MED15: variants seen among roughly 807,000 people sequenced by gnomAD.
The protein encoded by MED15 is mediator complex subunit 15.
A neutral mutation model predicts 118.7 loss-of-function variants in MED15; 41 were observed. The ratio of observed to expected loss-of-function variants is 0.35; its 90% CI spans 0.27 to 0.45. MED15 has a LOEUF of 0.45. Among genes scored for constraint, MED15 ranks in the 20% least tolerant of loss-of-function variants. MED15 has a pLI of 1.00. For synonymous variants in MED15, 436 were observed against 413.9 expected, an observed-to-expected ratio of 1.05 and a Z score of -0.65; for missense variants, 740 against 1,025.5, an observed-to-expected ratio of 0.72 and a Z score of 3.80.
rs372661088 is a variant in MED15 at position 20,582,796 on chromosome 22, C to T, written c.1410-44C>T. 2.0e-4 allele frequency: 322 copies of T among 1,601,136 alleles called. 3 individuals carry two copies. The Middle Eastern group carries it at 3.8e-3, about 19-fold the overall frequency. Reference sequence around the variant, plus strand: ...TCCCCACCTGGCCCTCGAGGCTGGCCCTGCCTGGACCCCGGCTCACATGTT... The same window carrying T: ...TCCCCACCTGGCCCTCGAGGCTGGCTCTGCCTGGACCCCGGCTCACATGTT... On this transcript the variant is annotated intron_variant, in intron 10 of 17. Transcript: ENST00000263205.
intron 11 of MED15, 50 bp downstream of exon 11, chr22:20,583,017 C>T (rs2057034557): frequency 6.3e-7 from 1 of 1,589,494 alleles, no homozygotes; most frequent in Non-Finnish European, 8.6e-7. Context: ...TATGAGGCCT[C>T]AGCTCATACT....
intron 1 of MED15, among the ~76,000 whole-genome samples, chr22:20,512,196 C>G (rs562894487): frequency 1.4e-4 from 21 of 151,784 alleles, no homozygotes; most frequent in Non-Finnish European, 2.9e-4. Context: ...ACCATGTTGC[C>G]CAGACTGGTC....
At chr22:20,561,042 T>C (rs1299436571) in intron 5 of MED15, among the ~76,000 whole-genome samples, 1 of 152,154 alleles carries the variant, frequency 6.6e-6, no homozygotes, top group East Asian at 1.9e-4. Flanking sequence ...AAAATATTGA[T>C]GAGGTTTATA....
At chr22:20,571,237 T>G (rs752479412) in intron 8 of MED15, among the ~76,000 whole-genome samples, 1 of 152,242 alleles carries the variant, frequency 6.6e-6, no homozygotes, top group Non-Finnish European at 1.5e-5. Flanking sequence ...ATGCCAGCTG[T>G]GTGTGCTCAT....
intron 1 of MED15, among the ~76,000 whole-genome samples, chr22:20,529,573 G>A (rs1336544515): frequency 2.0e-5 from 3 of 151,428 alleles, no homozygotes; most frequent in East Asian, 1.9e-4. Context: ...TATAATGCAC[G>A]CCACCATGCC....
chr22:20,525,459 C>A (rs1448459121), intron 1 of MED15, among the ~76,000 whole-genome samples: 3 of 151,754 alleles, frequency 2.0e-5, no homozygotes, highest in African/African-American at 4.8e-5. Context: ...AAGTGATCCA[C>A]CCACCTCGGT....
chr22:20,553,428 T>TA (rs1289456826), intron 4 of MED15, among the ~76,000 whole-genome samples: 1 of 152,234 alleles, frequency 6.6e-6, no homozygotes, highest in African/African-American at 2.4e-5. Context: ...AGCAAAAAGA[T>TA]AAACACTCAC....
At chr22:20,550,913 G>A (rs566403616) in intron 2 of MED15, 2 of 350,576 alleles carry the variant, frequency 5.7e-6, no homozygotes, top group South Asian at 2.1e-5. Context: ...GATGAACACA[G>A]ATTCTCCCGG....
intron 1 of MED15, among the ~76,000 whole-genome samples, chr22:20,520,065 G>C (rs1422532566): frequency 2.6e-5 from 4 of 152,156 alleles, no homozygotes; most frequent in African/African-American, 4.8e-5. Flanking sequence ...AGAGTGAAGT[G>C]TGAGCTGGAG....
chr22:20,585,091 G>A lies in MED15; in HGVS notation c.1965-10G>A, dbSNP rs777470915. The A allele has an allele frequency of 1.5e-5, 25 of 1,613,256 alleles. No homozygotes were observed. Among genetic ancestry groups the A allele is most frequent in the East Asian group, 2.2e-5 (1 of 44,888 alleles). On this transcript the variant is annotated splice_polypyrimidine_tract_variant and intron_variant, in intron 15 of 17. Transcript: ENST00000263205. The stretch of plus-strand genomic sequence containing the variant: ...GTGTGCCAGGTGTGGTCACCATGCC[G>A]CCTCCCCAGGGCCCCAGTGGTGTGC...
At chr22:20,526,716 T>TG (rs1303817310) in intron 1 of MED15, among the ~76,000 whole-genome samples, 1 of 152,184 alleles carries the variant, frequency 6.6e-6, no homozygotes, top group African/African-American at 2.4e-5. Context: ...TGGCCTCAAG[T>TG]GATCCATCCA....
rs1569233152 is a variant in MED15, at chr22:20,568,507, CT to C, written c.1042-11del. On this transcript the variant is annotated splice_polypyrimidine_tract_variant and intron_variant, in intron 7 of 17. Transcript: ENST00000263205. Reference sequence around the variant, plus strand: ...CAGGTGGTTCCAAATCACATTCTCTCTTTCTCCCTCAAGGTCCGAGCTCCGA... The same window carrying C: ...CAGGTGGTTCCAAATCACATTCTCTCTTCTCCCTCAAGGTCCGAGCTCCGA... 6 of 1,612,684 alleles carry C rather than the reference CT, an allele frequency of 3.7e-6. No homozygotes were observed. In the South Asian group the frequency reaches 6.6e-5, roughly 18 times the overall value.
At chr22:20,540,727 C>T (rs982109038) in intron 2 of MED15, among the ~76,000 whole-genome samples, 1 of 151,980 alleles carries the variant, frequency 6.6e-6, no homozygotes, top group Non-Finnish European at 1.5e-5. Flanking sequence ...AAAGCACAAG[C>T]TACAAAAAAC....
intron 8 of MED15, among the ~76,000 whole-genome samples, 191 bp downstream of exon 8, chr22:20,568,822 T>C (rs991661807): frequency 2.0e-5 from 3 of 152,148 alleles, no homozygotes; most frequent in African/African-American, 7.2e-5. Context: ...TGCTTGGTCA[T>C]GTCTAGGACC....
intron 6 of MED15, among the ~76,000 whole-genome samples, 165 bp downstream of exon 6, chr22:20,564,853 G>A (rs538099484): frequency 2.0e-5 from 3 of 152,340 alleles, no homozygotes; most frequent in Admixed American, 6.5e-5. Context: ...GGACAAGGCC[G>A]GGCCCAGTGG....
chr22:20,575,176 G>A lies in MED15; in HGVS notation c.1216G>A (p.Ala406Thr), dbSNP rs771847772. The change falls in exon 9 of 18, where the codon GCT (alanine) becomes ACT (threonine). Residue 406 changes from alanine to threonine, a missense_variant. Coordinates refer to ENST00000263205, the MANE Select transcript of MED15 (RefSeq NM_001003891.3). ...AAGAGCCCGGTTCCCGCCTACCACCGCTGTGTCCGCCATCCCGTCAAGCTC... is the reference window on the plus strand; with the variant it reads ...AAGAGCCCGGTTCCCGCCTACCACCACTGTGTCCGCCATCCCGTCAAGCTC... ...HIRARFPPTT[A>T]VSAIPSSSIP... The A allele has an allele frequency of 1.1e-5, 18 of 1,614,016 alleles. No individual in the cohort carries two copies. Among genetic ancestry groups the A allele is most frequent in the South Asian group, 5.5e-5 (5 of 91,092 alleles).
rs755646701 is a variant in MED15, at chr22:20,586,549, G to A, written c.2231-19G>A. Reference sequence around the variant, plus strand: ...GCAGCGCCGGCCGCCTTAGGTTCACGCCCACTGCTCTGTTGCAGACGCCAA... The same window carrying A: ...GCAGCGCCGGCCGCCTTAGGTTCACACCCACTGCTCTGTTGCAGACGCCAA... On this transcript the variant is annotated intron_variant, in intron 17 of 17. Transcript: ENST00000263205. The A allele has an allele frequency of 4.0e-5, 64 of 1,608,796 alleles. No homozygotes were observed. The highest frequency in any genetic ancestry group is 6.7e-5 in the Admixed American group (4 of 59,920).
intron 1 of MED15, among the ~76,000 whole-genome samples, chr22:20,515,740 C>T (rs1403143239): frequency 2.0e-5 from 3 of 151,390 alleles, no homozygotes; most frequent in Non-Finnish European, 2.9e-5. Flanking sequence ...GAGCCAAGGT[C>T]GCGCCACTGC....
In MED15 at chr22:20,570,746, C is replaced by CTT. The variant is rs61109389; in HGVS notation, c.1152+2144_1152+2145dup. Among the ~76,000 whole-genome samples the CTT allele has an allele frequency of 7.4e-3, 457 of 62,102 alleles. 53 individuals carry two copies. Among genetic ancestry groups the CTT allele is most frequent in the African/African-American group, 0.03 (408 of 13,694 alleles). The allele number at this position is 62,102 out of a possible 152,430, so 40.7% of individuals were successfully genotyped here. ...TTTTCTTTTCTTTCTTTCTTTCTTT[C>CTT]TTTTTTTTTTTTTTTTTTTTTTTTT... On this transcript the variant is annotated intron_variant, in intron 8 of 17. Transcript: ENST00000263205.
Sources: gnomAD v4.1 joint callset for allele counts (sites outside exome capture counted in the v4.1 genomes callset) on GRCh38, gnomAD v4.1.1 for gene constraint, MANE v1.5 for transcripts, NCBI Gene and HGNC (gene_info 2026-07-23, HGNC 2026-07-21) for gene names.